The following GALNTL6 variants were observed in gnomAD, a reference collection of about 807,000 sequenced individuals.
GALNTL6 encodes the protein polypeptide N-acetylgalactosaminyltransferase like 6, also known as polypeptide N-acetylgalactosaminyltransferase-like 6.
GALNTL6 carries 46 observed loss-of-function variants against 73.7 expected under a neutral mutation model. The ratio of observed to expected loss-of-function variants is 0.62; its 90% CI spans 0.49 to 0.80. The LOEUF (loss-of-function observed/expected upper bound fraction) is 0.80, where lower values mean the gene tolerates loss of function less well. Among genes scored for constraint, GALNTL6 ranks in the 30% least tolerant of loss-of-function variants. The probability of loss-of-function intolerance (pLI) is 0.00; values close to 1 mark genes in which losing one functional copy is unlikely to be tolerated. For synonymous variants in GALNTL6, 259 were observed against 263.7 expected (o/e 0.98, Z 0.17); for missense variants, 604 against 755.0 (o/e 0.80, Z 2.34).
intron 7 of GALNTL6, among the ~76,000 whole-genome samples, chr4:172,842,158 C>A (rs1743248017): frequency 6.6e-6 from 1 of 152,314 alleles, no homozygotes; most frequent in East Asian, 1.9e-4. Flanking sequence ...AACAAAGTAT[C>A]TCGAAGTTAT....
intron 2 of GALNTL6, among the ~76,000 whole-genome samples, chr4:171,849,869 T>G (rs1735472048): frequency 1.3e-5 from 2 of 152,180 alleles, no homozygotes; most frequent in African/African-American, 4.8e-5. Flanking sequence ...CAAATTTAAC[T>G]GGTTATGAGA....
chr4:172,786,829 G>C (rs1401533879), intron 5 of GALNTL6, among the ~76,000 whole-genome samples: 1 of 152,168 alleles, frequency 6.6e-6, no homozygotes, highest in Non-Finnish European at 1.5e-5. Flanking sequence ...TTTTATTGAT[G>C]TAATTTCTAT....
chr4:172,017,829 A>T (rs1003196260), intron 2 of GALNTL6, among the ~76,000 whole-genome samples: 3 of 152,012 alleles, frequency 2.0e-5, no homozygotes, highest in Non-Finnish European at 4.4e-5. Flanking sequence ...GGTGCTGGGG[A>T]ATGCCTGCAA....
intron 3 of GALNTL6, among the ~76,000 whole-genome samples, chr4:172,298,945 C>T (rs1739795076): frequency 6.6e-6 from 1 of 152,126 alleles, no homozygotes; most frequent in African/African-American, 2.4e-5. Context: ...AGGAATGGTA[C>T]CAGCTCCTCC....
At chr4:172,294,818 A>T (rs1192323847) in intron 3 of GALNTL6, among the ~76,000 whole-genome samples, 1 of 152,176 alleles carries the variant, frequency 6.6e-6, no homozygotes, top group East Asian at 1.9e-4. Flanking sequence ...ATTTTTCATG[A>T]TAATTTGGTA....
At chr4:172,731,481 T>C (rs1736146603) in intron 5 of GALNTL6, among the ~76,000 whole-genome samples, 1 of 152,138 alleles carries the variant, frequency 6.6e-6, no homozygotes, top group South Asian at 2.1e-4. Context: ...TGATTTTCTT[T>C]ATCTTTTTTA....
intron 7 of GALNTL6, among the ~76,000 whole-genome samples, chr4:172,872,378 AC>A (rs1744992754): frequency 6.6e-6 from 1 of 152,188 alleles, no homozygotes; most frequent in Admixed American, 6.5e-5. Context: ...CTCAATTAGG[AC>A]AAATTAGTAG....
At chr4:172,532,488 C>A (rs925503851) in intron 5 of GALNTL6, among the ~76,000 whole-genome samples, 6 of 152,226 alleles carry the variant, frequency 3.9e-5, no homozygotes, top group Non-Finnish European at 8.8e-5. Flanking sequence ...AGTCTCTGTT[C>A]TTCTAAGCCA....
intron 5 of GALNTL6, among the ~76,000 whole-genome samples, chr4:172,363,687 T>C (rs897269566): frequency 6.6e-6 from 1 of 152,210 alleles, no homozygotes; most frequent in Non-Finnish European, 1.5e-5. Flanking sequence ...ACCTGGGTCA[T>C]AGTCAGAAAA....
chr4:172,540,744 T>C (rs571112357), intron 5 of GALNTL6, among the ~76,000 whole-genome samples: 2 of 152,258 alleles, frequency 1.3e-5, no homozygotes, highest in South Asian at 2.1e-4. Context: ...TGAAAATTGG[T>C]TGGGAGAGTT....
intron 2 of GALNTL6, among the ~76,000 whole-genome samples, chr4:172,219,197 G>GTATATATATATATATATATATATATA (rs1381879623): frequency 7.2e-5 from 1 of 13,874 alleles, no homozygotes; most frequent in Non-Finnish European, 1.5e-4. Context: ...GATTAAGCAA[G>GTATATATATATATATATATATATATA]TGTATATATA....
At chr4:172,260,961 T>A (rs1165579823) in intron 3 of GALNTL6, among the ~76,000 whole-genome samples, 1 of 151,558 alleles carries the variant, frequency 6.6e-6, no homozygotes, top group Admixed American at 6.6e-5. Context: ...ATCCACTTGA[T>A]CGTGGTGTAT....
intron 8 of GALNTL6, among the ~76,000 whole-genome samples, chr4:172,894,432 T>G (rs545259761): frequency 2.0e-5 from 3 of 152,318 alleles, no homozygotes; most frequent in African/African-American, 7.2e-5. Flanking sequence ...TTCAATTTCC[T>G]TCTTAACTTC....
At chr4:172,049,459 T>C (rs1730756290) in intron 2 of GALNTL6, among the ~76,000 whole-genome samples, 1 of 152,176 alleles carries the variant, frequency 6.6e-6, no homozygotes, top group Non-Finnish European at 1.5e-5. Flanking sequence ...TTACACTTCC[T>C]TTTATATTTA....
Position 171,858,078 on chromosome 4 carries a change from A to G in GALNTL6, c.138+43360A>G, listed in dbSNP as rs1265123455. On this transcript the variant is annotated intron_variant, in intron 2 of 12. Coordinates refer to ENST00000506823, the MANE Select transcript of GALNTL6 (RefSeq NM_001034845.3). ...AATTAATTAATTAGAGATACTTGGG[A>G]TTTTGTTTTTGTTTTGTTTTTAATG... 3.3e-5 allele frequency among the ~76,000 whole-genome samples: 5 copies of G among 151,988 alleles called. No homozygotes were observed. The East Asian group carries it at 7.7e-4, about 23-fold the overall frequency.
intron 2 of GALNTL6, among the ~76,000 whole-genome samples, chr4:171,942,241 G>GATAAATAAATAGATAAATAA (rs1738570755): frequency 3.3e-5 from 1 of 30,154 alleles, no homozygotes; most frequent in African/African-American, 5.0e-5. Flanking sequence ...AAAATAAATA[G>GATAAATAAATAGATAAATAA]ATAAATAAAT....
At chr4:172,090,473 A>ATGT (rs1732171257) in intron 2 of GALNTL6, among the ~76,000 whole-genome samples, 1 of 152,064 alleles carries the variant, frequency 6.6e-6, no homozygotes, top group East Asian at 1.9e-4. Flanking sequence ...ATTTTTTCAT[A>ATGT]TGTTTGTCGG....
intron 2 of GALNTL6, among the ~76,000 whole-genome samples, chr4:171,828,680 C>T (rs1244757651): frequency 1.3e-5 from 2 of 152,116 alleles, no homozygotes; most frequent in African/African-American, 4.8e-5. Context: ...AGTGCAGTGG[C>T]TCAATCTCTG....
intron 5 of GALNTL6, among the ~76,000 whole-genome samples, chr4:172,542,394 A>G (rs887276559): frequency 1.3e-5 from 2 of 152,118 alleles, no homozygotes; most frequent in African/African-American, 4.8e-5. Flanking sequence ...GTCTGTCTGC[A>G]GCTTGACTTT....
Sources: allele counts gnomAD v4.1 joint callset (sites outside exome capture counted in the v4.1 genomes callset), GRCh38; gene constraint gnomAD v4.1.1; transcripts MANE v1.5; gene names NCBI Gene and HGNC (gene_info 2026-07-23, HGNC 2026-07-21).